The following HSDL1 variants were observed in gnomAD, a reference collection of about 807,000 sequenced individuals.
HSDL1 encodes inactive hydroxysteroid dehydrogenase-like protein 1.
HSDL1 carries 29 observed loss-of-function variants against 31.5 expected under a neutral mutation model. The observed-to-expected ratio is 0.92, with a 90% CI of 0.69 to 1.26. The LOEUF is 1.26. HSDL1 is among the 50% of genes most tolerant of loss of function. The pLI is 0.00. For missense variants in HSDL1, 503 were observed against 416.6 expected (o/e 1.21, Z -1.81); for synonymous variants, 222 against 155.2 (o/e 1.43, Z -3.20).
Position 84,130,336 on chromosome 16 carries a change from C to T in HSDL1, c.316G>A (p.Val106Ile), listed in dbSNP as rs751743962. Residue 106 changes from valine (V) to isoleucine (I), a missense_variant, in exon 4 of 6, where the codon GTT becomes ATT. Transcript: ENST00000219439. Reference protein sequence around the residue: ...LISRNEEKLQVVAKDIADTYK... With the variant: ...LISRNEEKLQIVAKDIADTYK... Reference sequence around the variant, plus strand: ...GTGTCGGCTATGTCTTTAGCAACAACCTGCAACTTCTCCTCGTTCCGACTA... The same window carrying T: ...GTGTCGGCTATGTCTTTAGCAACAATCTGCAACTTCTCCTCGTTCCGACTA... 6.2e-7 allele frequency: 1 copy of T among 1,614,234 alleles called. No homozygotes were observed. The highest frequency in any genetic ancestry group is 2.2e-5 in the East Asian group (1 of 44,896).
At chr16:84,142,788 T>C (rs2086780824) in intron 1 of HSDL1, among the ~76,000 whole-genome samples, 1 of 152,150 alleles carries the variant, frequency 6.6e-6, no homozygotes, top group African/African-American at 2.4e-5. Context: ...GACAACTTTA[T>C]TTAATAAACA....
chr16:84,130,772 C>G (rs1040486579), intron 3 of HSDL1, among the ~76,000 whole-genome samples: 2 of 152,042 alleles, frequency 1.3e-5, no homozygotes, highest in Non-Finnish European at 2.9e-5. Context: ...AAATGAAATT[C>G]AAAATAGGTG....
chr16:84,125,866 G>A (rs2086601278), intron 5 of HSDL1, among the ~76,000 whole-genome samples: 1 of 152,218 alleles, frequency 6.6e-6, no homozygotes, highest in African/African-American at 2.4e-5. Context: ...CACTTTGGGA[G>A]GCCGAGGCGG....
At chr16:84,135,432 T>A (rs1241493786) in intron 2 of HSDL1, 112 bp downstream of exon 2, 1 of 152,076 alleles carries the variant, frequency 6.6e-6, no homozygotes, top group African/African-American at 2.4e-5. Flanking sequence ...TAAGCCCGAT[T>A]TTTTTCAAGA....
chr16:84,130,082 C>T lies in HSDL1; in HGVS notation c.570G>A (p.Pro190=), dbSNP rs371781363. 2.5e-6 allele frequency: 4 copies of T among 1,614,134 alleles called. No individual in the cohort carries two copies. Among genetic ancestry groups the T allele is most frequent in the South Asian group, 1.1e-5 (1 of 91,080 alleles). ...AASLMVHVVL[P]GMVERKKGAI... ...CACCTTTCTTTCTCTCCACCATTCC[C>T]GGTAACACAACATGGACCATCAAAC... is the stretch of plus-strand genomic sequence containing the variant. The change falls in exon 4 of 6, where the codon CCG becomes CCA. Residue 190 remains proline, a synonymous_variant. Coordinates refer to ENST00000219439, the MANE Select transcript of HSDL1 (RefSeq NM_031463.5).
At position 84,129,627 on chromosome 16, in the gene HSDL1, G is replaced by T; in HGVS notation, c.815C>A (p.Pro272Gln). 2 of 1,614,182 alleles carry T rather than the reference G, an allele frequency of 1.2e-6. No homozygotes were observed. The highest frequency in any genetic ancestry group is 1.7e-6 in the Non-Finnish European group (2 of 1,180,036). ...LHRCSWLVPS[P>Q]KVYAHHAVST... The stretch of plus-strand genomic sequence containing the variant: ...AACAGCATGATGTGCATAGACTTTT[G>T]GCGAAGGCACCAACCACGAGCACCT... Residue 272 changes from proline (P) to glutamine (Q), a missense_variant, in exon 5 of 6, where the codon CCA (proline) becomes CAA (glutamine). By Grantham distance (76) the Pro-to-Gln change is moderately conservative. Coordinates refer to ENST00000219439, the MANE Select transcript of HSDL1 (RefSeq NM_031463.5).
Position 84,124,633 on chromosome 16 carries a change from G to A in HSDL1, c.990C>T (p.Ala330=), listed in dbSNP as rs151029560. ...CTTCTCAAGTGGCCATCCAGACTCA[G>A]GCTGTGCAGGATAAGGCTTCCTTAC... ...SLRKEALSCT[A] is the part of the protein sequence containing the mutation. Residue 330 remains alanine, a synonymous_variant, in exon 6 of 6, where the codon GCC becomes GCT. Coordinates refer to ENST00000219439, the MANE Select transcript of HSDL1 (RefSeq NM_031463.5). 174 of 1,608,144 alleles carry A rather than the reference G, an allele frequency of 1.1e-4. 1 individual carries two copies. In the African/African-American group the frequency reaches 2.1e-3, roughly 20 times the overall value.
intron 1 of HSDL1, among the ~76,000 whole-genome samples, chr16:84,142,253 A>C (rs1257831850): frequency 6.6e-6 from 1 of 152,072 alleles, no homozygotes; most frequent in Non-Finnish European, 1.5e-5. Flanking sequence ...GAAAGAGACA[A>C]ATATATCAAT....
At position 84,122,371 on chromosome 16, in the gene HSDL1, T is replaced by C. The variant is rs1011628671; in HGVS notation, c.*2259A>G. Reference sequence around the variant, plus strand: ...TTCATATTTCCCACGTTCTTTTTTTTTTTTTGAGACAGGGTCTCGCTCTGT... The same window carrying C: ...TTCATATTTCCCACGTTCTTTTTTTCTTTTTGAGACAGGGTCTCGCTCTGT... On this transcript the variant is annotated 3_prime_UTR_variant, in exon 6 of 6. Transcript: ENST00000219439. The C allele has an allele frequency of 6.6e-6, 1 of 152,446 alleles. No individual in the cohort carries two copies. The highest frequency in any genetic ancestry group is 2.4e-5 in the African/African-American group (1 of 41,368). 9.4% of individuals were successfully genotyped at this position (152,446 alleles called of 1,614,324 possible). A position where few individuals can be genotyped will look rare whatever the true frequency, so the allele number is the denominator to read the frequency against.
At chr16:84,132,261 C>A (rs2086676525) in intron 2 of HSDL1, among the ~76,000 whole-genome samples, 1 of 152,196 alleles carries the variant, frequency 6.6e-6, no homozygotes, top group South Asian at 2.1e-4. Flanking sequence ...GACCTACTAC[C>A]TGTGTAGGGA....
chr16:84,137,637 C>G (rs550779986), intron 1 of HSDL1, among the ~76,000 whole-genome samples: 1 of 152,354 alleles, frequency 6.6e-6, no homozygotes, highest in South Asian at 2.1e-4. Context: ...TTCACTCACA[C>G]CCTGATGGGC....
intron 5 of HSDL1, among the ~76,000 whole-genome samples, chr16:84,127,152 G>A (rs1303504162): frequency 6.8e-6 from 1 of 147,556 alleles, no homozygotes; most frequent in African/African-American, 2.5e-5. Flanking sequence ...AGGTTTCTCT[G>A]CTTTTCTCAA....
intron 5 of HSDL1, 42 bp downstream of exon 5, chr16:84,129,506 T>C (rs750594417): frequency 3.0e-6 from 4 of 1,342,190 alleles, no homozygotes; most frequent in East Asian, 4.6e-5. Flanking sequence ...GATAGGTTCA[T>C]GATGCATTAA....
chr16:84,133,711 A>G (rs1456677880), intron 2 of HSDL1, among the ~76,000 whole-genome samples: 1 of 152,208 alleles, frequency 6.6e-6, no homozygotes, highest in East Asian at 1.9e-4. Context: ...CCTGGGCGAC[A>G]GAGTGAGACT....
At chr16:84,127,919 C>T (rs923097950) in intron 5 of HSDL1, among the ~76,000 whole-genome samples, 2 of 150,806 alleles carry the variant, frequency 1.3e-5, no homozygotes, top group East Asian at 2.0e-4. Flanking sequence ...CGGGGTTTCA[C>T]GGTGTTAGCC....
At chr16:84,136,786 A>C (rs1204101966) in intron 1 of HSDL1, among the ~76,000 whole-genome samples, 1 of 152,214 alleles carries the variant, frequency 6.6e-6, no homozygotes, top group Non-Finnish European at 1.5e-5. Flanking sequence ...TGCTATGTAT[A>C]TTTTAAAAAT....
intron 2 of HSDL1, among the ~76,000 whole-genome samples, chr16:84,133,559 G>A (rs1441008682): frequency 3.9e-5 from 6 of 152,240 alleles, no homozygotes; most frequent in South Asian, 2.1e-4. Context: ...GTGAAACCTC[G>A]TCTCTATTAA....
Position 84,123,356 on chromosome 16 carries a change from T to G in HSDL1, c.*1274A>C, listed in dbSNP as rs1010914955. 7 of 152,238 alleles carry G rather than the reference T, an allele frequency of 4.6e-5. No homozygotes were observed. Among genetic ancestry groups the G allele is most frequent in the Admixed American group, 4.6e-4 (7 of 15,274 alleles). 9.4% of individuals were successfully genotyped at this position (152,238 alleles called of 1,614,324 possible). A position where few individuals can be genotyped will look rare whatever the true frequency, so the allele number is the denominator to read the frequency against. ...AGTATCACAATGCCGAGCTCTGAATTTTAAATGTGCACATATTGTCATATT... is the reference window on the plus strand; with the variant it reads ...AGTATCACAATGCCGAGCTCTGAATGTTAAATGTGCACATATTGTCATATT... On this transcript the variant is annotated 3_prime_UTR_variant, in exon 6 of 6. Transcript: ENST00000219439.
rs1018112941 is a variant in HSDL1, at chr16:84,145,138, C to A, written c.-127G>T. On this transcript the variant is annotated 5_prime_UTR_variant, in exon 1 of 6. Coordinates refer to ENST00000219439, the MANE Select transcript of HSDL1 (RefSeq NM_031463.5). The stretch of plus-strand genomic sequence containing the variant: ...GCCAGACCCGCGCGGCCGCCGCCCC[C>A]GTCTCGGCCGCCGGAGCTGCTGCCG... 13 of 200,202 alleles carry A rather than the reference C, an allele frequency of 6.5e-5. No homozygotes were observed. The highest frequency in any genetic ancestry group is 4.9e-5 in the Non-Finnish European group (5 of 101,222). 12.4% of individuals were successfully genotyped at this position (200,202 alleles called of 1,614,324 possible). A position where few individuals can be genotyped will look rare whatever the true frequency, so the allele number is the denominator to read the frequency against.
Sources: gnomAD v4.1 joint callset for allele counts (sites outside exome capture counted in the v4.1 genomes callset) on GRCh38, gnomAD v4.1.1 for gene constraint, MANE v1.5 for transcripts, NCBI Gene and HGNC (gene_info 2026-07-23, HGNC 2026-07-21) for gene names.